The following TBL1X variants were observed in gnomAD, a reference collection of about 807,000 sequenced individuals.
The protein encoded by TBL1X is transducin beta like 1 X-linked, also known as F-box-like/WD repeat-containing protein TBL1X.
A neutral mutation model predicts 50.7 loss-of-function variants in TBL1X; 10 were observed. The ratio of observed to expected loss-of-function variants is 0.20; its 90% CI spans 0.12 to 0.33. The LOEUF (loss-of-function observed/expected upper bound fraction) is 0.33. Among genes scored for constraint, TBL1X ranks in the 10% least tolerant of loss-of-function variants. TBL1X has a pLI of 1.00. For synonymous variants in TBL1X, 190 were observed against 214.7 expected (o/e 0.88, Z 1.01); for missense variants, 340 against 504.4 (o/e 0.67, Z 3.12).
chrX:9,706,510 T>C (rs1250064120), intron 13 of TBL1X, among the ~76,000 whole-genome samples: 1 of 110,757 alleles, frequency 9.0e-6, no homozygotes, highest in Non-Finnish European at 1.9e-5. Flanking sequence ...CACCTAGGCA[T>C]ATGGCCATCA....
rs1251010139 is a variant in TBL1X at position 9,630,609 on chromosome X, T to A, written c.-130-9664T>A. 6.2e-5 allele frequency among the ~76,000 whole-genome samples: 7 copies of A among 112,615 alleles called. No individual in the cohort carries two copies. The East Asian group carries it at 1.9e-3, about 31-fold the overall frequency. Reference sequence around the variant, plus strand: ...TATTGTTTTTATTTTTTAAAAATATTTTTTTTCTTTCTTTTTTTGACACAG... The same window carrying A: ...TATTGTTTTTATTTTTTAAAAATATATTTTTTCTTTCTTTTTTTGACACAG... On this transcript the variant is annotated intron_variant, in intron 2 of 17. Transcript: ENST00000645353.
At chrX:9,691,856 A>T in intron 8 of TBL1X, 145 bp downstream of exon 8, 1 of 875,906 alleles carries the variant, frequency 1.1e-6, no homozygotes, top group East Asian at 3.2e-5. Context: ...GGGTGGCTCT[A>T]TGAGCCACTT....
chrX:9,521,386 A>G (rs902825906), intron 2 of TBL1X, among the ~76,000 whole-genome samples: 1 of 111,644 alleles, frequency 9.0e-6, no homozygotes, highest in African/African-American at 3.3e-5. Context: ...CAGATTGTAC[A>G]CTGGGGAGCA....
chrX:9,474,416 G>A lies in TBL1X; in HGVS notation c.-201+8969G>A, dbSNP rs190395495. ...TACTAAGGTATGTGTGCGTTTGCAC[G>A]CACATGTATGTGCGTTAAGTAACTT... On this transcript the variant is annotated intron_variant, in intron 1 of 17. Coordinates refer to ENST00000645353, the MANE Select transcript of TBL1X (RefSeq NM_005647.4). Among the ~76,000 whole-genome samples the A allele has an allele frequency of 1.7e-3, 197 of 113,346 alleles. 3 individuals carry two copies. Among genetic ancestry groups the A allele is most frequent in the Admixed American group, 0.016 (178 of 10,809 alleles).
At chrX:9,580,799 A>G in intron 2 of TBL1X, among the ~76,000 whole-genome samples, 1 of 111,730 alleles carries the variant, frequency 9.0e-6, no homozygotes, top group Middle Eastern at 4.6e-3. Context: ...ATAGAAAGGA[A>G]TGTCTGGGCT....
At chrX:9,514,935 GCTC>G (rs1156713387) in intron 2 of TBL1X, among the ~76,000 whole-genome samples, 1 of 112,164 alleles carries the variant, frequency 8.9e-6, no homozygotes, top group African/African-American at 3.2e-5. Context: ...CTGGCGAGGA[GCTC>G]CTTGACTTTC....
At chrX:9,561,839 A>T (rs1332904655) in intron 2 of TBL1X, among the ~76,000 whole-genome samples, 1 of 111,490 alleles carries the variant, frequency 9.0e-6, no homozygotes, top group Non-Finnish European at 1.9e-5. Flanking sequence ...TCCTGAAGGG[A>T]TTTGCTGGCT....
At chrX:9,535,954 C>T (rs918706469) in intron 2 of TBL1X, among the ~76,000 whole-genome samples, 1 of 111,641 alleles carries the variant, frequency 9.0e-6, no homozygotes, top group African/African-American at 3.3e-5. Context: ...AATGATTCAC[C>T]CTTTGCCATC....
At chrX:9,607,309 G>T (rs1350870022) in intron 2 of TBL1X, among the ~76,000 whole-genome samples, 1 of 113,151 alleles carries the variant, frequency 8.8e-6, no homozygotes, top group Admixed American at 9.3e-5. Context: ...AGATTCCTAA[G>T]ATTTTAGAAT....
chrX:9,634,038 G>A (rs1971930056), intron 2 of TBL1X, among the ~76,000 whole-genome samples: 2 of 111,862 alleles, frequency 1.8e-5, no homozygotes, highest in South Asian at 7.5e-4. Flanking sequence ...TGACTGGCTG[G>A]TATGGCCTGG....
chrX:9,678,195 T>C (rs1206473395), intron 5 of TBL1X, among the ~76,000 whole-genome samples: 3 of 111,917 alleles, frequency 2.7e-5, no homozygotes. Context: ...CTGTGGTTGG[T>C]TGATTTGGTG....
At chrX:9,654,705 C>G (rs777970490) in intron 5 of TBL1X, among the ~76,000 whole-genome samples, 1 of 111,556 alleles carries the variant, frequency 9.0e-6, no homozygotes, top group Non-Finnish European at 1.9e-5. Context: ...CTCCCCTACT[C>G]CCCGCCCCCT....
chrX:9,597,110 G>A (rs1484639416), intron 2 of TBL1X, among the ~76,000 whole-genome samples: 2 of 111,294 alleles, frequency 1.8e-5, no homozygotes, highest in African/African-American at 6.5e-5. Context: ...ATGGTAAAAG[G>A]AGGAGAGCTG....
At chrX:9,512,020 C>G (rs898853361) in intron 2 of TBL1X, among the ~76,000 whole-genome samples, 3 of 110,988 alleles carry the variant, frequency 2.7e-5, no homozygotes, top group African/African-American at 9.8e-5. Context: ...GCCACCACTC[C>G]CAGCTAGTTT....
At chrX:9,676,048 A>G (rs1446541257) in intron 5 of TBL1X, among the ~76,000 whole-genome samples, 1 of 112,113 alleles carries the variant, frequency 8.9e-6, no homozygotes, top group Non-Finnish European at 1.9e-5. Context: ...TCCCAAAGTC[A>G]TATCTTGACT....
chrX:9,613,108 A>T (rs1484615659), intron 2 of TBL1X, among the ~76,000 whole-genome samples: 1 of 111,502 alleles, frequency 9.0e-6, no homozygotes, highest in Non-Finnish European at 1.9e-5. Flanking sequence ...CACTGTTTCT[A>T]GGAGTTTTAA....
At chrX:9,568,433 G>C (rs2082363271) in intron 2 of TBL1X, among the ~76,000 whole-genome samples, 1 of 109,866 alleles carries the variant, frequency 9.1e-6, no homozygotes, top group African/African-American at 3.3e-5. Context: ...TGTGTATTTT[G>C]TGTGTCTGTG....
intron 2 of TBL1X, among the ~76,000 whole-genome samples, chrX:9,607,488 A>C (rs1386524963): frequency 1.8e-5 from 2 of 112,990 alleles, no homozygotes; most frequent in African/African-American, 6.4e-5. Context: ...CAAAGCCTCC[A>C]GGTACGTGTC....
chrX:9,658,283 G>A (rs1250598322), intron 5 of TBL1X, among the ~76,000 whole-genome samples: 3 of 111,179 alleles, frequency 2.7e-5, no homozygotes, highest in Admixed American at 9.5e-5. Context: ...TCTGTCTTAC[G>A]GGATCCATTG....
Sources: allele counts gnomAD v4.1 joint callset (sites outside exome capture counted in the v4.1 genomes callset), GRCh38; gene constraint gnomAD v4.1.1; transcripts MANE v1.5; gene names NCBI Gene and HGNC (gene_info 2026-07-23, HGNC 2026-07-21).